Variants in PKD1L3 observed in about 807,000 individuals in gnomAD.
The protein encoded by PKD1L3 is polycystin-1-like protein 3.
Under a neutral mutation model 184.1 loss-of-function variants are expected in PKD1L3, and 239 were observed. That is an observed-to-expected ratio of 1.30 (90% CI 1.17 to 1.45). The LOEUF (loss-of-function observed/expected upper bound fraction) is 1.45. Among genes scored for constraint, PKD1L3 ranks in the 40% most tolerant of loss-of-function variants. PKD1L3 has a pLI of 0.00. For synonymous variants in PKD1L3, 996 were observed against 778.8 expected, an observed-to-expected ratio of 1.28 and a Z score of -4.64; for missense variants, 2,660 against 2,067.2, an observed-to-expected ratio of 1.29 and a Z score of -5.56.
chr16:71,943,539 A>AAG (rs1362598315), intron 23 of PKD1L3, among the ~76,000 whole-genome samples: 1 of 149,028 alleles, frequency 6.7e-6, no homozygotes, highest in East Asian at 1.9e-4. Flanking sequence ...CTCCGTCTCA[A>AAG]AAAAAAAAAA....
At chr16:71,986,181 G>T in intron 5 of PKD1L3, 40 bp downstream of exon 5, 2 of 1,545,524 alleles carry the variant, frequency 1.3e-6, no homozygotes, top group Non-Finnish European at 1.8e-6. Flanking sequence ...ACTTTTTGGG[G>T]GTCACAAAGC....
At chr16:71,929,796 A>C in intron 29 of PKD1L3, 118 bp from the exon 30 acceptor site, 2 of 1,127,784 alleles carry the variant, frequency 1.8e-6, no homozygotes, top group Non-Finnish European at 2.5e-6. Context: ...CTATTTCTTT[A>C]ATAATTTGCA....
At chr16:71,997,842 T>C (rs1475291968) in intron 2 of PKD1L3, among the ~76,000 whole-genome samples, 4 of 152,186 alleles carry the variant, frequency 2.6e-5, no homozygotes, top group African/African-American at 7.2e-5. Flanking sequence ...AGCTTAATCC[T>C]GATCTACTTC....
chr16:71,979,970 C>T, intron 8 of PKD1L3, 37 bp downstream of exon 8: 2 of 1,549,788 alleles, frequency 1.3e-6, no homozygotes, highest in Non-Finnish European at 1.7e-6. Context: ...AAGTGAAAAA[C>T]ACAGTGAAAC....
chr16:71,942,241 G>A (rs893997832), intron 24 of PKD1L3, among the ~76,000 whole-genome samples: 1 of 152,112 alleles, frequency 6.6e-6, no homozygotes, highest in South Asian at 2.1e-4. Flanking sequence ...CTCAGGCAGG[G>A]AGAACTGCTT....
intron 28 of PKD1L3, among the ~76,000 whole-genome samples, chr16:71,931,999 C>T (rs975548445): frequency 6.6e-6 from 1 of 152,152 alleles, no homozygotes; most frequent in African/African-American, 2.4e-5. Context: ...TCACTTTGGC[C>T]TCCTAAGTAA....
chr16:71,951,198 C>A (rs899482744), intron 19 of PKD1L3, among the ~76,000 whole-genome samples: 5 of 151,918 alleles, frequency 3.3e-5, no homozygotes, highest in African/African-American at 1.2e-4. Flanking sequence ...CGCCACTACA[C>A]CTGGCTAATT....
chr16:71,968,866 G>A (rs889914425), intron 13 of PKD1L3, among the ~76,000 whole-genome samples: 1 of 151,874 alleles, frequency 6.6e-6, no homozygotes, highest in Non-Finnish European at 1.5e-5. Flanking sequence ...AGTGTGCTGG[G>A]ATTATAGGCG....
rs1448305922 is a variant in PKD1L3, at chr16:71,937,481, A to ACTTTGT, written c.4325-68_4325-63dup. The ACTTTGT allele has an allele frequency of 4.0e-6, 6 of 1,518,938 alleles. No individual in the cohort carries two copies. In the South Asian group the frequency reaches 5.1e-5, roughly 13 times the overall value. The allele number at this position is 1,518,938 out of a possible 1,614,324, so 94.1% of individuals were successfully genotyped here. On this transcript the variant is annotated intron_variant, in intron 24 of 29. Coordinates refer to ENST00000620267, the MANE Select transcript of PKD1L3 (RefSeq NM_181536.2). ...AAAACTTTTGCCCTCTTCTTGTTAA[A>ACTTTGT]CTTTGTCTTTGAATAACCCCAACTC...
At chr16:71,949,054 T>C (rs1015117364) in intron 21 of PKD1L3, among the ~76,000 whole-genome samples, 11 of 152,152 alleles carry the variant, frequency 7.2e-5, no homozygotes, top group Admixed American at 5.9e-4. Context: ...AGTCTGATAT[T>C]GTTCCCCCCA....
chr16:71,968,928 A>G (rs2039603947), intron 13 of PKD1L3, among the ~76,000 whole-genome samples: 1 of 148,398 alleles, frequency 6.7e-6, no homozygotes, highest in Non-Finnish European at 1.5e-5. Context: ...ATTTACATAT[A>G]ACTTTTTTTT....
chr16:71,990,309 TG>T lies in PKD1L3; in HGVS notation c.555del (p.Thr186HisfsTer32). The T allele has an allele frequency of 6.5e-7, 1 of 1,548,564 alleles. No homozygotes were observed. Among genetic ancestry groups the T allele is most frequent in the Non-Finnish European group, 8.7e-7 (1 of 1,144,560 alleles). On this transcript the variant is annotated frameshift_variant, in exon 4 of 30. Transcript: ENST00000620267. LOFTEE classifies it high-confidence loss of function. ...TGAGCAGGAAGAGGATAGTGACATG[TG>T]GTTGGAAGATGACCAGGTCCTATAG... ...KMPPGPGHLP[T>X]TCHYPLPAHL...
At chr16:71,941,709 C>T (rs1047516388) in intron 24 of PKD1L3, among the ~76,000 whole-genome samples, 4 of 151,054 alleles carry the variant, frequency 2.6e-5, no homozygotes, top group Non-Finnish European at 4.4e-5. Flanking sequence ...TTCAGCCTCC[C>T]GAATAGTTGG....
chr16:71,974,047 G>C (rs2039826853), intron 11 of PKD1L3, among the ~76,000 whole-genome samples: 3 of 151,606 alleles, frequency 2.0e-5, no homozygotes, highest in African/African-American at 7.3e-5. Flanking sequence ...GTGAACATGT[G>C]AACATTTAGG....
At chr16:71,953,244 C>T (rs1291858200) in intron 17 of PKD1L3, among the ~76,000 whole-genome samples, 151 bp from the exon 18 acceptor site, 1 of 152,124 alleles carries the variant, frequency 6.6e-6, no homozygotes, top group Non-Finnish European at 1.5e-5. Flanking sequence ...TGTTGTGTTC[C>T]TAATACTGCT....
intron 16 of PKD1L3, among the ~76,000 whole-genome samples, chr16:71,956,783 C>A (rs1219796502): frequency 2.8e-4 from 43 of 152,118 alleles, no homozygotes; most frequent in Admixed American, 2.8e-3. Flanking sequence ...GCACTACACA[C>A]TTAAAAATGG....
rs118109665 is a variant in PKD1L3 at position 71,999,911 on chromosome 16, A to C, written c.68T>G (p.Leu23Arg). 576 of 1,551,498 alleles carry C rather than the reference A, an allele frequency of 3.7e-4. No individual in the cohort carries two copies. Among genetic ancestry groups the C allele is most frequent in the Non-Finnish European group, 4.8e-4 (554 of 1,146,778 alleles). ...TTGCCCATGTGGTGCTGGGCTGTTT[A>C]GCTCACTTCCTAGAATAATACTTGT... ...IRTSIILGSELNSPAPHGQNN... is the reference protein window; with the variant it reads ...IRTSIILGSERNSPAPHGQNN... The change falls in exon 1 of 30, where the codon CTA becomes CGA. Residue 23 changes from leucine to arginine, a missense_variant. Transcript: ENST00000620267.
Position 71,990,346 on chromosome 16 carries a change from G to T in PKD1L3, c.536-17C>A, listed in dbSNP as rs368934632. 1 of 1,537,710 alleles carries T rather than the reference G, an allele frequency of 6.5e-7. No individual in the cohort carries two copies. Among genetic ancestry groups the T allele is most frequent in the Admixed American group, 2.0e-5 (1 of 50,558 alleles). ...GACCAGGTCCTATAGAAAAAAGAAA[G>T]CAGACTAAGTTCAAGTAAAAGCCTA... On this transcript the variant is annotated splice_polypyrimidine_tract_variant and intron_variant, in intron 3 of 29. Coordinates refer to ENST00000620267, the MANE Select transcript of PKD1L3 (RefSeq NM_181536.2).
At position 71,998,256 on chromosome 16, in the gene PKD1L3, T is replaced by C. The variant is rs780508298; in HGVS notation, c.418+16A>G. 3.9e-6 allele frequency: 6 copies of C among 1,551,520 alleles called. No individual in the cohort carries two copies. Among genetic ancestry groups the C allele is most frequent in the African/African-American group, 1.4e-5 (1 of 73,026 alleles). On this transcript the variant is annotated intron_variant, in intron 2 of 29. Coordinates refer to ENST00000620267, the MANE Select transcript of PKD1L3 (RefSeq NM_181536.2). ...TAAAATTTGGGTCTTTGGCAGCATG[T>C]AGCTTTATCACTTACCAGTCTGGCA... is the stretch of plus-strand genomic sequence containing the variant.
Sources: allele counts gnomAD v4.1 joint callset (sites outside exome capture counted in the v4.1 genomes callset), GRCh38; gene constraint gnomAD v4.1.1; transcripts MANE v1.5; gene names NCBI Gene and HGNC (gene_info 2026-07-23, HGNC 2026-07-21).